GRK3: variants seen among roughly 807,000 people sequenced by gnomAD.
GRK3 encodes G protein-coupled receptor kinase 3.
In GRK3, 54 loss-of-function variants were observed where a neutral mutation model predicts 95.7. The observed-to-expected ratio is 0.56, with a 90% CI of 0.45 to 0.71. The LOEUF (loss-of-function observed/expected upper bound fraction) is 0.71. Among genes scored for constraint, GRK3 ranks in the 30% least tolerant of loss-of-function variants. The pLI is 0.00. For missense variants in GRK3, 649 were observed against 851.2 expected, an observed-to-expected ratio of 0.76 and a Z score of 2.96; for synonymous variants, 281 against 290.8, an observed-to-expected ratio of 0.97 and a Z score of 0.34.
intron 1 of GRK3, 131 bp downstream of exon 1, chr22:25,565,284 A>T (rs764026244): frequency 6.9e-6 from 3 of 432,492 alleles, no homozygotes; most frequent in Admixed American, 9.8e-5. Context: ...GGAGCGGGCG[A>T]TGCGGGGCCG....
At chr22:25,644,481 A>T in intron 2 of GRK3, 111 bp from the exon 3 acceptor site, 2 of 459,026 alleles carry the variant, frequency 4.4e-6, no homozygotes, top group Non-Finnish European at 7.7e-6. Flanking sequence ...TTTAAAAAAA[A>T]AAGTAGAGGA....
At chr22:25,573,272 T>C (rs761839891) in intron 1 of GRK3, among the ~76,000 whole-genome samples, 4 of 152,326 alleles carry the variant, frequency 2.6e-5, no homozygotes, top group Non-Finnish European at 5.9e-5. Flanking sequence ...CAAAAAGAGA[T>C]CTGTAAAATT....
intron 5 of GRK3, among the ~76,000 whole-genome samples, chr22:25,664,817 C>A (rs2084931786): frequency 6.6e-6 from 1 of 152,122 alleles, no homozygotes; most frequent in Non-Finnish European, 1.5e-5. Flanking sequence ...CCATGCCCGG[C>A]CAACTTTGGC....
intron 6 of GRK3, among the ~76,000 whole-genome samples, chr22:25,671,431 C>T (rs569995439): frequency 3.0e-4 from 46 of 152,318 alleles, no homozygotes; most frequent in African/African-American, 1.1e-3. Flanking sequence ...TAAATAGATA[C>T]AGGATATATC....
chr22:25,639,411 A>G lies in GRK3; in HGVS notation c.191-5181A>G, dbSNP rs891377441. Among the ~76,000 whole-genome samples the G allele has an allele frequency of 1.2e-4, 18 of 152,294 alleles. 1 individual carries two copies. The East Asian group carries it at 3.5e-3, about 29-fold the overall frequency. ...TCATCTTTTTCCCCATATGGATATCAGCTTTCCCAGCATCATTTGTTGAAA... is the reference window on the plus strand; with the variant it reads ...TCATCTTTTTCCCCATATGGATATCGGCTTTCCCAGCATCATTTGTTGAAA... On this transcript the variant is annotated intron_variant, in intron 2 of 20. Transcript: ENST00000324198.
chr22:25,674,382 A>C, intron 7 of GRK3, 55 bp from the exon 8 acceptor site: 1 of 1,429,690 alleles, frequency 7.0e-7, no homozygotes, highest in East Asian at 2.3e-5. Context: ...AAAATCTTTA[A>C]AACACCATAG....
At chr22:25,669,424 A>G (rs1165843573) in intron 6 of GRK3, among the ~76,000 whole-genome samples, 1 of 152,220 alleles carries the variant, frequency 6.6e-6, no homozygotes, top group Non-Finnish European at 1.5e-5. Context: ...GTTGCTCAGC[A>G]GGACAACGAC....
chr22:25,718,043 C>T (rs1262108986), intron 18 of GRK3, among the ~76,000 whole-genome samples: 2 of 152,186 alleles, frequency 1.3e-5, no homozygotes, highest in African/African-American at 4.8e-5. Flanking sequence ...ACTGTGTGAG[C>T]AGAGAGAGCT....
chr22:25,602,740 T>C (rs1196176856), intron 1 of GRK3, among the ~76,000 whole-genome samples: 2 of 152,194 alleles, frequency 1.3e-5, no homozygotes, highest in Non-Finnish European at 2.9e-5. Flanking sequence ...TTATATAAAA[T>C]TCTAGAACTG....
Position 25,672,317 on chromosome 22 carries a change from T to C in GRK3, c.525T>C (p.Cys175=). The C allele has an allele frequency of 6.8e-7, 1 of 1,477,860 alleles. No homozygotes were observed. Among genetic ancestry groups the C allele is most frequent in the Non-Finnish European group, 9.3e-7 (1 of 1,072,624 alleles). 91.5% of individuals were successfully genotyped at this position (1,477,860 alleles called of 1,614,324 possible). A position where few individuals can be genotyped will look rare whatever the true frequency, so the allele number is the denominator to read the frequency against. ...FMESDKFTRF[C]QWKNVELNIH... ...TTAGTGACAAGTTCACTAGATTTTGTCAGTGGAAAAACGTTGAATTAAATA... is the reference window on the plus strand; with the variant it reads ...TTAGTGACAAGTTCACTAGATTTTGCCAGTGGAAAAACGTTGAATTAAATA... The change falls in exon 7 of 21, where the codon TGT becomes TGC. Residue 175 remains cysteine, a synonymous_variant. Transcript: ENST00000324198.
chr22:25,629,127 C>T (rs991552881), intron 2 of GRK3, among the ~76,000 whole-genome samples: 8 of 152,054 alleles, frequency 5.3e-5, no homozygotes, highest in African/African-American at 1.9e-4. Context: ...GGTAAGAACC[C>T]AGTGCTGTGG....
At chr22:25,667,561 T>C (rs1318903682) in intron 5 of GRK3, among the ~76,000 whole-genome samples, 178 bp from the exon 6 acceptor site, 9 of 152,126 alleles carry the variant, frequency 5.9e-5, no homozygotes, top group Admixed American at 2.6e-4. Context: ...GTGGTGTAGA[T>C]AAATATTGAT....
At chr22:25,637,341 C>T (rs527541909) in intron 2 of GRK3, among the ~76,000 whole-genome samples, 7 of 152,184 alleles carry the variant, frequency 4.6e-5, no homozygotes, top group Non-Finnish European at 7.3e-5. Flanking sequence ...TCATGTGAGC[C>T]AATTCCTGTA....
intron 2 of GRK3, among the ~76,000 whole-genome samples, chr22:25,638,127 A>G (rs1156920461): frequency 6.6e-6 from 1 of 152,084 alleles, no homozygotes; most frequent in African/African-American, 2.4e-5. Context: ...ACTAAAGGCG[A>G]TAACAAGGTC....
Position 25,564,765 on chromosome 22 carries a change from G to C in GRK3, c.-276G>C, listed in dbSNP as rs1227723960. On this transcript the variant is annotated 5_prime_UTR_variant, in exon 1 of 21. Coordinates refer to ENST00000324198, the MANE Select transcript of GRK3 (RefSeq NM_005160.4). Reference sequence around the variant, plus strand: ...GGACGCGCGCTCCCCGCAGACCCTCGCTGAAGGAGCAGGGGGCGGCGCGCG... The same window carrying C: ...GGACGCGCGCTCCCCGCAGACCCTCCCTGAAGGAGCAGGGGGCGGCGCGCG... 2 of 150,832 alleles carry C rather than the reference G, an allele frequency of 1.3e-5. No individual in the cohort carries two copies. Among genetic ancestry groups the C allele is most frequent in the Non-Finnish European group, 3.0e-5 (2 of 67,598 alleles). 9.3% of individuals were successfully genotyped at this position (150,832 alleles called of 1,614,324 possible).
intron 1 of GRK3, among the ~76,000 whole-genome samples, chr22:25,572,910 G>A (rs1931756647): frequency 6.6e-6 from 1 of 152,148 alleles, no homozygotes; most frequent in Admixed American, 6.5e-5. Context: ...GATGTTGGGG[G>A]ACATCCAATC....
intron 1 of GRK3, among the ~76,000 whole-genome samples, chr22:25,591,841 T>C (rs1479882931): frequency 1.3e-5 from 2 of 152,238 alleles, no homozygotes; most frequent in Non-Finnish European, 2.9e-5. Context: ...ATTTTATTGC[T>C]GAGTACTGTT....
In GRK3 at chr22:25,661,134, T is replaced by C. The variant is rs541815489; in HGVS notation, c.265-442T>C. 5.3e-5 allele frequency among the ~76,000 whole-genome samples: 8 copies of C among 152,330 alleles called. 1 individual carries two copies. In the South Asian group the frequency reaches 1.7e-3, roughly 32 times the overall value. On this transcript the variant is annotated intron_variant, in intron 3 of 20. Coordinates refer to ENST00000324198, the MANE Select transcript of GRK3 (RefSeq NM_005160.4). ...AATCTCTTTGCAGGAATTCTGGCAG[T>C]ATATTTTTTTCCTCCTTGTAGTTTT... is the stretch of plus-strand genomic sequence containing the variant.
chr22:25,721,693 G>A (rs2085433915), intron 20 of GRK3, among the ~76,000 whole-genome samples: 2 of 152,178 alleles, frequency 1.3e-5, no homozygotes, highest in African/African-American at 4.8e-5. Flanking sequence ...TTTTCGGCAT[G>A]TTCGATGTTA....
Sources: gnomAD v4.1 joint callset for allele counts (sites outside exome capture counted in the v4.1 genomes callset) on GRCh38, gnomAD v4.1.1 for gene constraint, MANE v1.5 for transcripts, NCBI Gene and HGNC (gene_info 2026-07-23, HGNC 2026-07-21) for gene names.